Variants in ARHGEF3 observed in about 807,000 individuals in gnomAD.
The protein encoded by ARHGEF3 is Rho guanine nucleotide exchange factor 3, also known as 59.8 kDA protein.
ARHGEF3 carries 28 observed loss-of-function variants against 63.2 expected under a neutral mutation model. The observed-to-expected ratio is 0.44, with a 90% CI of 0.33 to 0.61. ARHGEF3 has a LOEUF of 0.61. ARHGEF3 is among the 20% of genes least tolerant of loss of function. The pLI is 0.03. For missense variants in ARHGEF3, 533 were observed against 659.3 expected, an observed-to-expected ratio of 0.81 and a Z score of 2.10; for synonymous variants, 266 against 254.2, an observed-to-expected ratio of 1.05 and a Z score of -0.44.
chr3:56,843,230 A>G (rs2108116498), intron 4 of ARHGEF3, among the ~76,000 whole-genome samples: 1 of 152,244 alleles, frequency 6.6e-6, no homozygotes, highest in African/African-American at 2.4e-5. Context: ...CACACAAATG[A>G]TATCATACTT....
chr3:56,732,527 C>T, intron 8 of ARHGEF3, 103 bp from the exon 9 acceptor site: 1 of 1,348,280 alleles, frequency 7.4e-7, no homozygotes, highest in Non-Finnish European at 1.0e-6. Flanking sequence ...CAGGTTCACA[C>T]TGGATTATGA....
At chr3:57,057,617 A>C (rs1406563413) in intron 1 of ARHGEF3, among the ~76,000 whole-genome samples, 1 of 152,010 alleles carries the variant, frequency 6.6e-6, no homozygotes, top group Non-Finnish European at 1.5e-5. Flanking sequence ...ACCCACACCC[A>C]CACCCCCACA....
At chr3:57,019,162 A>C (rs9843173) in intron 2 of ARHGEF3, among the ~76,000 whole-genome samples, 101,931 of 151,994 alleles carry the variant, frequency 0.67, 34,504 homozygotes, top group African/African-American at 0.76. Context: ...CAAATCACTT[A>C]TCTCTCTAGA....
At chr3:57,062,638 T>C (rs538025049) in intron 1 of ARHGEF3, among the ~76,000 whole-genome samples, 2 of 152,328 alleles carry the variant, frequency 1.3e-5, no homozygotes, top group South Asian at 4.1e-4. Context: ...ACTATGTAGC[T>C]GTTTAACAAG....
At position 56,750,456 on chromosome 3, in the gene ARHGEF3, C is replaced by T. The variant is rs773361806; in HGVS notation, c.612+600G>A. On this transcript the variant is annotated intron_variant, in intron 6 of 9. Transcript: ENST00000296315. ...ATTAGGATGAAGGTCACCATATACC[C>T]AGCTCTCCTATAAATTACTTAGCAT... Among the ~76,000 whole-genome samples the T allele has an allele frequency of 3.3e-5, 5 of 152,154 alleles. No homozygotes were observed. In the East Asian group the frequency reaches 5.8e-4, roughly 18 times the overall value.
intron 1 of ARHGEF3, among the ~76,000 whole-genome samples, chr3:57,048,316 C>T (rs1247868746): frequency 6.6e-6 from 1 of 152,190 alleles, no homozygotes; most frequent in Non-Finnish European, 1.5e-5. Context: ...CCATCAATTT[C>T]CATTCTGCCA....
intron 2 of ARHGEF3, among the ~76,000 whole-genome samples, chr3:56,762,625 T>C (rs999738232): frequency 6.6e-6 from 1 of 152,140 alleles, no homozygotes; most frequent in South Asian, 2.1e-4. Context: ...CCAAAAACCA[T>C]TTTCCACAGC....
At chr3:56,980,057 AATG>A (rs771599310) in intron 2 of ARHGEF3, among the ~76,000 whole-genome samples, 17 of 152,166 alleles carry the variant, frequency 1.1e-4, no homozygotes, top group Non-Finnish European at 4.4e-5. Context: ...GTGAATTGAG[AATG>A]ATGATGATAA....
In ARHGEF3 at chr3:56,732,350, G is replaced by A. The variant is rs899420690; in HGVS notation, c.1116C>T (p.Tyr372=). The A allele has an allele frequency of 1.2e-6, 2 of 1,614,080 alleles. No homozygotes were observed. The highest frequency in any genetic ancestry group is 2.7e-5 in the African/African-American group (2 of 74,936). Residue 372 remains tyrosine (Y), a synonymous_variant, in exon 9 of 10, where the codon TAC becomes TAT. Transcript: ENST00000296315. ...RAVTHNEQLC[Y]QLYRQPIPVK... ...CGGGGATTGGCTGACGGTACAGCTGGTAGCAAAGCTGCTCATTGTGGGTGA... is the reference window on the plus strand; with the variant it reads ...CGGGGATTGGCTGACGGTACAGCTGATAGCAAAGCTGCTCATTGTGGGTGA...
intron 1 of ARHGEF3, chr3:57,073,677 GT>G: frequency 6.3e-7 from 1 of 1,599,712 alleles, no homozygotes; most frequent in South Asian, 1.1e-5. Flanking sequence ...GGAGAATTCT[GT>G]TTTTGACTTG....
At chr3:56,986,321 T>G (rs1701534281) in intron 2 of ARHGEF3, among the ~76,000 whole-genome samples, 2 of 152,192 alleles carry the variant, frequency 1.3e-5, no homozygotes, top group South Asian at 4.1e-4. Context: ...GTCCCTAATC[T>G]CTGCCTCTAG....
intron 1 of ARHGEF3, among the ~76,000 whole-genome samples, chr3:57,059,149 A>AT (rs1485584693): frequency 6.6e-6 from 1 of 152,104 alleles, no homozygotes; most frequent in African/African-American, 2.4e-5. Context: ...AATAATAATA[A>AT]AAAAAAGAAA....
At chr3:56,774,684 G>A (rs557117457) in intron 1 of ARHGEF3, among the ~76,000 whole-genome samples, 21 of 152,172 alleles carry the variant, frequency 1.4e-4, no homozygotes, top group Admixed American at 2.0e-4. Flanking sequence ...GGTGGATCAC[G>A]AGGTCAGGAG....
intron 4 of ARHGEF3, among the ~76,000 whole-genome samples, chr3:56,845,345 G>A (rs866173495): frequency 3.9e-5 from 6 of 152,306 alleles, no homozygotes; most frequent in Middle Eastern, 3.4e-3. Flanking sequence ...TAGTAATATT[G>A]TTACAGATAA....
intron 4 of ARHGEF3, among the ~76,000 whole-genome samples, chr3:56,822,282 C>A (rs1261089290): frequency 6.6e-6 from 1 of 152,154 alleles, no homozygotes; most frequent in Non-Finnish European, 1.5e-5. Context: ...GGAAGTGGCA[C>A]AGCAGGAAAT....
chr3:57,045,669 A>G (rs2107281157), intron 1 of ARHGEF3, among the ~76,000 whole-genome samples: 1 of 152,352 alleles, frequency 6.6e-6, no homozygotes, highest in South Asian at 2.1e-4. Flanking sequence ...CACAGAAAGC[A>G]CAGATTTGCC....
intron 3 of ARHGEF3, among the ~76,000 whole-genome samples, chr3:56,933,054 C>T (rs41320253): frequency 0.035 from 5,381 of 152,224 alleles, 147 homozygotes; most frequent in Non-Finnish European, 0.054. Context: ...TACCAGTCTG[C>T]GGCAGTACAC....
chr3:56,735,934 A>G (rs548956067), intron 8 of ARHGEF3, among the ~76,000 whole-genome samples: 11 of 152,270 alleles, frequency 7.2e-5, no homozygotes, highest in Non-Finnish European at 1.5e-4. Context: ...AACTTTATTA[A>G]GAACCCTTCA....
At chr3:57,052,011 T>A (rs1400203381) in intron 1 of ARHGEF3, among the ~76,000 whole-genome samples, 1 of 151,908 alleles carries the variant, frequency 6.6e-6, no homozygotes. Context: ...CACCATCTAC[T>A]GAGTATCAAC....
Sources: allele counts gnomAD v4.1 joint callset (sites outside exome capture counted in the v4.1 genomes callset), GRCh38; gene constraint gnomAD v4.1.1; transcripts MANE v1.5; gene names NCBI Gene and HGNC (gene_info 2026-07-23, HGNC 2026-07-21).